The following ARHGEF18 variants were observed in gnomAD, a reference collection of about 807,000 sequenced individuals.
ARHGEF18 encodes the protein Rho/Rac guanine nucleotide exchange factor 18.
ARHGEF18 carries 93 observed loss-of-function variants against 155.7 expected under a neutral mutation model. The ratio of observed to expected loss-of-function variants is 0.60; its 90% CI spans 0.50 to 0.71. The LOEUF (loss-of-function observed/expected upper bound fraction) is 0.71, where lower values mean the gene tolerates loss of function less well. Among genes scored for constraint, ARHGEF18 ranks in the 30% least tolerant of loss-of-function variants. The probability of loss-of-function intolerance (pLI) is 0.00; values close to 1 mark genes in which losing one functional copy is unlikely to be tolerated. For synonymous variants in ARHGEF18, 742 were observed against 753.1 expected, an observed-to-expected ratio of 0.99 and a Z score of 0.24; for missense variants, 1,593 against 1,816.1, an observed-to-expected ratio of 0.88 and a Z score of 2.23.
chr19:7,359,753 T>C (rs1969468587), intron 1 of ARHGEF18, among the ~76,000 whole-genome samples: 1 of 99,758 alleles, frequency 1.0e-5, no homozygotes, highest in Non-Finnish European at 2.6e-5. Flanking sequence ...TGGAGTTCAA[T>C]CTGTAAAACT....
intron 10 of ARHGEF18, among the ~76,000 whole-genome samples, chr19:7,412,808 C>T (rs567115481): frequency 1.3e-5 from 2 of 151,628 alleles, no homozygotes; most frequent in East Asian, 3.9e-4. Flanking sequence ...GGCGGTTTTG[C>T]TTTGCGTTTC....
rs527701920 is a variant in ARHGEF18 at position 7,430,723 on chromosome 19, T to C, written c.968-9621T>C. Among the ~76,000 whole-genome samples, 7 of 152,236 alleles carry C rather than the reference T, an allele frequency of 4.6e-5. No homozygotes were observed. The South Asian group carries it at 1.2e-3, about 27-fold the overall frequency. On this transcript the variant is annotated intron_variant, in intron 10 of 28. Transcript: ENST00000668164. The stretch of plus-strand genomic sequence containing the variant: ...GGGAAGCTGAGGCCAGAGGACTGCT[T>C]GAGCCCAGGAATTCGTAACTGCGGT...
rs1329572782 is a variant in ARHGEF18, at chr19:7,464,709, G to A, written c.2904+19G>A. On this transcript the variant is annotated intron_variant, in intron 23 of 28. Transcript: ENST00000668164. ...GCAGGTGGTACGTGGATATCCATTT[G>A]CTCGGTACAGTCTGAGTCGTCATAA... 1.2e-6 allele frequency: 2 copies of A among 1,613,778 alleles called. No individual in the cohort carries two copies. The highest frequency in any genetic ancestry group is 4.5e-5 in the East Asian group (2 of 44,876).
chr19:7,434,019 T>C (rs762708778), intron 10 of ARHGEF18, among the ~76,000 whole-genome samples: 1 of 112,776 alleles, frequency 8.9e-6, no homozygotes, highest in Non-Finnish European at 1.8e-5. Flanking sequence ...ATCTGTCTCA[T>C]TAAAAAAAAA....
chr19:7,367,703 A>G (rs1260819880), intron 2 of ARHGEF18, among the ~76,000 whole-genome samples: 2 of 144,450 alleles, frequency 1.4e-5, no homozygotes, highest in African/African-American at 5.2e-5. Flanking sequence ...CCAAGATCGC[A>G]CCATTGCACT....
In ARHGEF18 at chr19:7,385,096, C is replaced by A. The variant is rs534229881; in HGVS notation, c.967+1893C>A. ...TTCCCTGGCACCTTGTTCTCTTCTG[C>A]AGGGGATGAGCTGTGCTCAGTCTAT... On this transcript the variant is annotated intron_variant, in intron 10 of 28. Transcript: ENST00000668164. 7.5e-4 allele frequency among the ~76,000 whole-genome samples: 114 copies of A among 152,296 alleles called. 3 individuals are homozygous for A. Among genetic ancestry groups the A allele is most frequent in the Admixed American group, 7.4e-3 (113 of 15,284 alleles).
chr19:7,445,603 A>G (rs1437029712), intron 14 of ARHGEF18, among the ~76,000 whole-genome samples: 1 of 152,104 alleles, frequency 6.6e-6, no homozygotes, highest in Non-Finnish European at 1.5e-5. Flanking sequence ...ACTAATTAGA[A>G]GAACACTCCT....
In ARHGEF18 at chr19:7,382,831, G is replaced by A; in HGVS notation, c.762G>A (p.Lys254=). Reference sequence around the variant, plus strand: ...CTGGCAAGAACGAGAAGAGTGACAAGAGTACCAGTGTGAAGCGCAGGCTGA... The same window carrying A: ...CTGGCAAGAACGAGAAGAGTGACAAAAGTACCAGTGTGAAGCGCAGGCTGA... ...DGAGKNEKSD[K]STSVKRRLSC... The change falls in exon 9 of 29, where the codon AAG becomes AAA. Residue 254 remains lysine, a synonymous_variant. Coordinates refer to ENST00000668164, the MANE Select transcript of ARHGEF18 (RefSeq NM_001367823.1). 8.1e-7 allele frequency: 1 copy of A among 1,232,572 alleles called. No homozygotes were observed. The highest frequency in any genetic ancestry group is 1.0e-6 in the Non-Finnish European group (1 of 988,084). 76.4% of individuals were successfully genotyped at this position (1,232,572 alleles called of 1,614,324 possible).
At chr19:7,458,969 G>T (rs1354757983) in intron 19 of ARHGEF18, among the ~76,000 whole-genome samples, 2 of 152,170 alleles carry the variant, frequency 1.3e-5, no homozygotes, top group Non-Finnish European at 2.9e-5. Context: ...GTTGGAGCAG[G>T]GCATGGCATC....
At chr19:7,355,068 TCACACACACACACACACACACA>T (rs60457716) in intron 1 of ARHGEF18, among the ~76,000 whole-genome samples, 11,007 of 146,420 alleles carry the variant, frequency 0.075, 1,140 homozygotes, top group African/African-American at 0.22. Context: ...CCAATGGGCT[TCACACACACACACACACACACA>T]CACACACACA....
chr19:7,406,883 T>C (rs1020872356), intron 10 of ARHGEF18, among the ~76,000 whole-genome samples: 2 of 147,324 alleles, frequency 1.4e-5, no homozygotes, highest in Non-Finnish European at 3.0e-5. Context: ...TGAAACCCCG[T>C]CTCTACTAAA....
At chr19:7,456,073 C>A (rs1975807051) in intron 17 of ARHGEF18, among the ~76,000 whole-genome samples, 1 of 152,244 alleles carries the variant, frequency 6.6e-6, no homozygotes, top group South Asian at 2.1e-4. Flanking sequence ...AGTGGCCTGA[C>A]ATGGGCGGGA....
chr19:7,405,767 C>T (rs1180082584), intron 10 of ARHGEF18, among the ~76,000 whole-genome samples: 1 of 152,070 alleles, frequency 6.6e-6, no homozygotes, highest in Non-Finnish European at 1.5e-5. Context: ...TGCACCACCA[C>T]GCCTGGCTAA....
intron 2 of ARHGEF18, among the ~76,000 whole-genome samples, chr19:7,370,502 TAATAAATA>T (rs1007278340): frequency 6.6e-6 from 1 of 151,762 alleles, no homozygotes. Context: ...TCTCAAAAAA[TAATAAATA>T]AATAAAATAA....
At chr19:7,385,963 C>CCCCTCTCTCCCTCTCT (rs1216057576) in intron 10 of ARHGEF18, among the ~76,000 whole-genome samples, 25 of 76,422 alleles carry the variant, frequency 3.3e-4, no homozygotes, top group Non-Finnish European at 5.5e-4. Context: ...TCTCTCCCTC[C>CCCCTCTCTCCCTCTCT]CCCTCTCTCC....
In ARHGEF18 at chr19:7,395,177, G is replaced by C. The variant is rs912481194; in HGVS notation, c.967+11974G>C. 1 of 986,146 alleles carries C rather than the reference G, an allele frequency of 1.0e-6. No individual in the cohort carries two copies. The allele number at this position is 986,146 out of a possible 1,614,324, so 61.1% of individuals were successfully genotyped here. On this transcript the variant is annotated intron_variant, in intron 10 of 28. Transcript: ENST00000668164. The surrounding 1 kb of genome is among the most constrained non-coding windows in gnomAD (Gnocchi z 5.0). ...ACTGTGGATCTGGGGGGGCCGGACG[G>C]AGGCATCGGAGGCGGCTGCGAGAGT...
chr19:7,407,285 G>A (rs1176442090), intron 10 of ARHGEF18, among the ~76,000 whole-genome samples: 3 of 151,726 alleles, frequency 2.0e-5, no homozygotes, highest in African/African-American at 7.3e-5. Flanking sequence ...AATTAGCCGG[G>A]TGTGGTGGCG....
In ARHGEF18 at chr19:7,470,124, A is replaced by C; in HGVS notation, c.3914-2A>C. The C allele has an allele frequency of 6.2e-7, 1 of 1,612,150 alleles. No homozygotes were observed. Among genetic ancestry groups the C allele is most frequent in the Non-Finnish European group, 8.5e-7 (1 of 1,179,658 alleles). On this transcript the variant is annotated splice_acceptor_variant, in intron 28 of 28. Coordinates refer to ENST00000668164, the MANE Select transcript of ARHGEF18 (RefSeq NM_001367823.1). LOFTEE classifies it high-confidence loss of function. The surrounding 1 kb of genome is among the most constrained non-coding windows in gnomAD (Gnocchi z 5.9). ...TCAGTCTGAACCCTCTCTCTGTTCC[A>C]GACCCTGGCTTCCCCGCCCCGAGCC...
intron 17 of ARHGEF18, among the ~76,000 whole-genome samples, chr19:7,455,742 G>T (rs531374729): frequency 6.6e-6 from 1 of 152,344 alleles, no homozygotes; most frequent in South Asian, 2.1e-4. Flanking sequence ...AGTTCCACCT[G>T]TGGGGGAAGG....
Sources: gnomAD v4.1 joint callset for allele counts (sites outside exome capture counted in the v4.1 genomes callset) on GRCh38, gnomAD v4.1.1 for gene constraint, Gnocchi (gnomAD v3.1) non-coding constraint, MANE v1.5 for transcripts, NCBI Gene and HGNC (gene_info 2026-07-23, HGNC 2026-07-21) for gene names.